Variants in SP2 observed in about 807,000 individuals in gnomAD.
The protein encoded by SP2 is transcription factor Sp2.
A neutral mutation model predicts 50.1 loss-of-function variants in SP2; 9 were observed. The ratio of observed to expected loss-of-function variants is 0.18; its 90% CI spans 0.11 to 0.31. SP2 has a LOEUF of 0.31. Among genes scored for constraint, SP2 ranks in the 10% least tolerant of loss-of-function variants. The pLI, the probability that SP2 is intolerant of heterozygous loss-of-function variation, is 1.00. For synonymous variants in SP2, 313 were observed against 326.6 expected (o/e 0.96, Z 0.45); for missense variants, 581 against 806.5 (o/e 0.72, Z 3.39).
intron 3 of SP2, among the ~76,000 whole-genome samples, chr17:47,922,598 AC>A (rs1184486561): frequency 6.6e-6 from 1 of 151,740 alleles, no homozygotes; most frequent in Non-Finnish European, 1.5e-5. Flanking sequence ...GCTTATGAAA[AC>A]CTGGAATTCC....
chr17:47,908,059 C>A (rs182555192), intron 1 of SP2, among the ~76,000 whole-genome samples: 1 of 152,176 alleles, frequency 6.6e-6, no homozygotes, highest in African/African-American at 2.4e-5. Context: ...AAGATACTTG[C>A]AAACATTGGT....
chr17:47,900,501 G>C (rs1020611327), intron 1 of SP2: 1 of 152,290 alleles, frequency 6.6e-6, no homozygotes, highest in African/African-American at 2.4e-5. Flanking sequence ...CCTGGGGCCG[G>C]GCTGGGTGAT....
Position 47,916,988 on chromosome 17 carries a change from C to A in SP2, c.917C>A (p.Pro306His), listed in dbSNP as rs764754740. 14 of 1,614,154 alleles carry A rather than the reference C, an allele frequency of 8.7e-6. No individual in the cohort carries two copies. Among genetic ancestry groups the A allele is most frequent in the Non-Finnish European group, 1.2e-5 (14 of 1,180,008 alleles). ...AVVQQVQVVP[P>H]KAEQQQVVQI... is the part of the protein sequence containing the mutation. ...GTCCAGCAGGTCCAGGTGGTGCCCC[C>A]CAAGGCCGAGCAGCAGCAGGTGGTA... The change falls in exon 3 of 7, where the codon CCC becomes CAC. Residue 306 changes from proline to histidine, a missense_variant. Coordinates refer to ENST00000376741, the MANE Select transcript of SP2 (RefSeq NM_003110.6). The surrounding 1 kb of genome is among the most constrained non-coding windows in gnomAD (Gnocchi z 4.7).
At chr17:47,923,337 A>G (rs980120331) in intron 4 of SP2, 63 bp downstream of exon 4, 8 of 1,387,740 alleles carry the variant, frequency 5.8e-6, no homozygotes, top group Admixed American at 4.0e-5. Flanking sequence ...GGTGGAAACT[A>G]TGGGCTGGCC....
intron 6 of SP2, among the ~76,000 whole-genome samples, chr17:47,925,894 T>A (rs966428613): frequency 1.2e-4 from 18 of 148,638 alleles, no homozygotes; most frequent in African/African-American, 3.9e-4. Flanking sequence ...GGGAAGATAC[T>A]TTGTTTATGC....
chr17:47,912,091 C>T (rs1265157759), intron 1 of SP2, among the ~76,000 whole-genome samples: 2 of 152,174 alleles, frequency 1.3e-5, no homozygotes, highest in African/African-American at 4.8e-5. Flanking sequence ...TTGATGTATC[C>T]ATCCAAAACC....
rs538708384 is a variant in SP2 at position 47,928,294 on chromosome 17, C to T, written c.*470C>T. On this transcript the variant is annotated 3_prime_UTR_variant, in exon 7 of 7. Coordinates refer to ENST00000376741, the MANE Select transcript of SP2 (RefSeq NM_003110.6). ...CTTGGCACCCACCTCTGGAGAAACT[C>T]GGGGCCACCTCCACTCCATGTGCCC... 2.4e-4 allele frequency: 38 copies of T among 155,938 alleles called. No individual in the cohort carries two copies. Among genetic ancestry groups the T allele is most frequent in the Non-Finnish European group, 1.0e-4 (7 of 69,652 alleles). 9.7% of individuals were successfully genotyped at this position (155,938 alleles called of 1,614,324 possible). A position where few individuals can be genotyped will look rare whatever the true frequency, so the allele number is the denominator to read the frequency against.
chr17:47,915,250 C>A, intron 1 of SP2, 62 bp from the exon 2 acceptor site: 3 of 1,159,238 alleles, frequency 2.6e-6, no homozygotes, highest in South Asian at 1.4e-5. Context: ...AAATCTGAGG[C>A]AAGTGGGCTT....
intron 3 of SP2, among the ~76,000 whole-genome samples, chr17:47,918,108 TGAG>T (rs200811233): frequency 3.3e-3 from 507 of 151,942 alleles, no homozygotes; most frequent in Non-Finnish European, 4.0e-3. Context: ...CCATTAAAAT[TGAG>T]GAGTTTTTTT....
Position 47,916,632 on chromosome 17 carries a change from G to T in SP2, c.561G>T (p.Ser187=). The stretch of plus-strand genomic sequence containing the variant: ...TCAAGCCAGCCCCCATCCAGAAGTC[G>T]AGTACGACCACCACCCCCGTGCAGA... ...VPIKPAPIQK[S]STTTTPVQSG... Residue 187 remains serine, a synonymous_variant, in exon 3 of 7, where the codon TCG becomes TCT. Coordinates refer to ENST00000376741, the MANE Select transcript of SP2 (RefSeq NM_003110.6). This position sits in a 1 kb window ranked among gnomAD's most constrained non-coding sequence, Gnocchi z 4.7. The T allele has an allele frequency of 6.2e-7, 1 of 1,613,960 alleles. No homozygotes were observed. The highest frequency in any genetic ancestry group is 8.5e-7 in the Non-Finnish European group (1 of 1,179,958).
chr17:47,906,391 C>T (rs886438029), intron 1 of SP2, among the ~76,000 whole-genome samples: 5 of 152,278 alleles, frequency 3.3e-5, no homozygotes, highest in Admixed American at 3.3e-4. Context: ...ATGTGCCAGG[C>T]CTTGGTGTCT....
chr17:47,912,330 C>T (rs569988760), intron 1 of SP2, among the ~76,000 whole-genome samples: 1 of 152,340 alleles, frequency 6.6e-6, no homozygotes, highest in Non-Finnish European at 1.5e-5. Context: ...TGCAAAGTCT[C>T]CCCTCCTCTG....
Position 47,927,934 on chromosome 17 carries a change from T to C in SP2, c.*110T>C. On this transcript the variant is annotated 3_prime_UTR_variant, in exon 7 of 7. Transcript: ENST00000376741. The stretch of plus-strand genomic sequence containing the variant: ...GCCTTGGGCCTGCCCTCAGCCCCAC[T>C]CCTGTTCTGCAACTGTCCCCACAGG... The C allele has an allele frequency of 1.5e-6, 1 of 682,858 alleles. No homozygotes were observed. Among genetic ancestry groups the C allele is most frequent in the Non-Finnish European group, 2.7e-6 (1 of 375,904 alleles). The allele number at this position is 682,858 out of a possible 1,614,324, so 42.3% of individuals were successfully genotyped here.
At chr17:47,897,506 A>C (rs1360355845) in intron 1 of SP2, 2 of 152,272 alleles carry the variant, frequency 1.3e-5, no homozygotes, top group Non-Finnish European at 2.9e-5. Flanking sequence ...TCCCGTTTAC[A>C]GATTTCATTA....
intron 3 of SP2, among the ~76,000 whole-genome samples, chr17:47,918,131 A>G (rs889916330): frequency 1.3e-5 from 2 of 150,974 alleles, no homozygotes; most frequent in African/African-American, 2.4e-5. Flanking sequence ...TTTTTTTAAT[A>G]TAAAAAACAG....
At chr17:47,902,007 T>A (rs1336009221) in intron 1 of SP2, among the ~76,000 whole-genome samples, 1 of 152,074 alleles carries the variant, frequency 6.6e-6, no homozygotes, top group Non-Finnish European at 1.5e-5. Context: ...CAGTGAGAAG[T>A]GCTAAGGAGG....
Position 47,917,058 on chromosome 17 carries a change from C to T in SP2, c.987C>T (p.Ala329=). The stretch of plus-strand genomic sequence containing the variant: ...TGCGGGTGGTGCAGGCGGCATCTGC[C>T]ACCCTCCCCACTGTACCCCAGAAGC... The part of the protein sequence containing the change: ...QALRVVQAAS[A]TLPTVPQKPS... Residue 329 remains alanine (A), a synonymous_variant, in exon 3 of 7, where the codon GCC becomes GCT. Coordinates refer to ENST00000376741, the MANE Select transcript of SP2 (RefSeq NM_003110.6). The T allele has an allele frequency of 6.2e-7, 1 of 1,613,812 alleles. No individual in the cohort carries two copies. The highest frequency in any genetic ancestry group is 8.5e-7 in the Non-Finnish European group (1 of 1,179,990).
intron 1 of SP2, among the ~76,000 whole-genome samples, chr17:47,915,069 C>T (rs1372710748): frequency 6.6e-6 from 1 of 151,980 alleles, no homozygotes; most frequent in East Asian, 1.9e-4. Flanking sequence ...CAAAAATTAG[C>T]TGGGCATGGT....
chr17:47,924,652 C>G lies in SP2; in HGVS notation c.1373-267C>G, dbSNP rs9897154. On this transcript the variant is annotated intron_variant, in intron 4 of 6. Transcript: ENST00000376741. ...GGCTTCCTGGGTTCAGATCTGGGTT[C>G]TACCACTTACTAGCTGTGTGATCTT... 9.6e-3 allele frequency among the ~76,000 whole-genome samples: 1,463 copies of G among 152,314 alleles called. 21 individuals carry two copies. The highest frequency in any genetic ancestry group is 0.031 in the African/African-American group (1,280 of 41,562).
Sources: gnomAD v4.1 joint callset for allele counts (sites outside exome capture counted in the v4.1 genomes callset) on GRCh38, gnomAD v4.1.1 for gene constraint, Gnocchi (gnomAD v3.1) non-coding constraint, MANE v1.5 for transcripts, NCBI Gene and HGNC (gene_info 2026-07-23, HGNC 2026-07-21) for gene names.